SLC5A11: variants seen among roughly 807,000 people sequenced by gnomAD.
The protein encoded by SLC5A11 is solute carrier family 5 member 11.
In SLC5A11, 48 loss-of-function variants were observed where a neutral mutation model predicts 69.8. That is an observed-to-expected ratio of 0.69 (90% CI 0.55 to 0.87). SLC5A11 has a LOEUF of 0.87. Ranked by LOEUF, SLC5A11 falls within the 40% of genes least tolerant of loss-of-function variation. The pLI, the probability that SLC5A11 is intolerant of heterozygous loss-of-function variation, is 0.00. For synonymous variants in SLC5A11, 319 were observed against 342.4 expected, an observed-to-expected ratio of 0.93 and a Z score of 0.75; for missense variants, 784 against 866.1, an observed-to-expected ratio of 0.91 and a Z score of 1.19.
chr16:24,847,823 A>C (rs1406110195), intron 1 of SLC5A11, among the ~76,000 whole-genome samples: 1 of 152,208 alleles, frequency 6.6e-6, no homozygotes, highest in African/African-American at 2.4e-5. Context: ...AAAATCCCAC[A>C]TTTATTTGTT....
At chr16:24,875,840 A>G in intron 6 of SLC5A11, 109 bp downstream of exon 7, 1 of 885,384 alleles carries the variant, frequency 1.1e-6, no homozygotes, top group Non-Finnish European at 1.8e-6. Flanking sequence ...CTCGTCTTTC[A>G]TAGGCTGCAG....
intron 8 of SLC5A11, among the ~76,000 whole-genome samples, chr16:24,886,583 T>C (rs953522789): frequency 2.0e-5 from 3 of 152,150 alleles, no homozygotes; most frequent in Non-Finnish European, 4.4e-5. Context: ...GAGGATGATA[T>C]ATCTAGCTAG....
chr16:24,901,921 GA>G (rs1380185049), intron 10 of SLC5A11, among the ~76,000 whole-genome samples: 9 of 135,188 alleles, frequency 6.7e-5, no homozygotes, highest in Non-Finnish European at 9.4e-5. Flanking sequence ...CCCATCTCTG[GA>G]AAAAAAAATA....
chr16:24,900,062 GTT>G (rs537149327), intron 10 of SLC5A11, among the ~76,000 whole-genome samples: 1 of 152,218 alleles, frequency 6.6e-6, no homozygotes, highest in Non-Finnish European at 1.5e-5. Context: ...ATTTGCTTTA[GTT>G]TTTTTCTTAA....
intron 8 of SLC5A11, among the ~76,000 whole-genome samples, chr16:24,888,345 AT>A (rs1209975329): frequency 6.6e-6 from 1 of 152,136 alleles, no homozygotes; most frequent in African/African-American, 2.4e-5. Flanking sequence ...AGAACATTAC[AT>A]TTCATACTTA....
Position 24,869,959 on chromosome 16 carries a change from G to A in SLC5A11, c.266G>A (p.Gly89Glu), listed in dbSNP as rs752544142. Reference sequence around the variant, plus strand: ...AGTGGACATTTCATTGGCCTGGCAGGGTCAGGTGCTGCTACGGGCATTTCT... The same window carrying A: ...AGTGGACATTTCATTGGCCTGGCAGAGTCAGGTGCTGCTACGGGCATTTCT... Residue 89 changes from glycine to glutamate, a missense_variant, in exon 4 of 16, where the codon GGG (glycine) becomes GAG (glutamate). Around this residue, in one of 3 missense-constraint regions of SLC5A11, gnomAD observed 133 missense variants for 107.4 expected, o/e 1.24. Transcript: ENST00000347898. 2.5e-6 allele frequency: 4 copies of A among 1,614,096 alleles called. No homozygotes were observed. The South Asian group carries it at 4.4e-5, about 18-fold the overall frequency.
intron 8 of SLC5A11, among the ~76,000 whole-genome samples, chr16:24,890,520 G>GAAAAA (rs2048718306): frequency 2.2e-4 from 2 of 9,040 alleles, no homozygotes; most frequent in African/African-American, 5.8e-4. Context: ...AAAAAAGAAG[G>GAAAAA]AAGGAAGGAA....
intron 7 of SLC5A11, among the ~76,000 whole-genome samples, chr16:24,881,183 G>T (rs542244965): frequency 6.6e-6 from 1 of 151,260 alleles, no homozygotes; most frequent in East Asian, 2.0e-4. Flanking sequence ...TCCAGCCTGG[G>T]CAACAGAGCG....
chr16:24,883,489 G>A (rs1047226014), intron 7 of SLC5A11, among the ~76,000 whole-genome samples: 2 of 152,170 alleles, frequency 1.3e-5, no homozygotes, highest in Non-Finnish European at 2.9e-5. Context: ...CAAATTGAGG[G>A]GCTTGAAAAA....
chr16:24,879,493 T>G (rs1042416457), intron 7 of SLC5A11, among the ~76,000 whole-genome samples: 1 of 152,136 alleles, frequency 6.6e-6, no homozygotes, highest in African/African-American at 2.4e-5. Context: ...TCCCAGCACT[T>G]TGGAAGGCCA....
intron 9 of SLC5A11, 126 bp downstream of exon 10, chr16:24,891,200 C>T (rs555143454): frequency 1.9e-5 from 16 of 839,720 alleles, no homozygotes; most frequent in South Asian, 1.9e-4. Context: ...TCCTTGACTA[C>T]TTCCTCCTTT....
At chr16:24,898,365 T>C (rs1237761348) in intron 10 of SLC5A11, among the ~76,000 whole-genome samples, 2 of 149,984 alleles carry the variant, frequency 1.3e-5, no homozygotes, top group Non-Finnish European at 3.0e-5. Context: ...GTATGCACCA[T>C]GATGCCTGGC....
chr16:24,851,545 A>G (rs1450237485), intron 1 of SLC5A11, among the ~76,000 whole-genome samples: 3 of 150,662 alleles, frequency 2.0e-5, no homozygotes, highest in African/African-American at 7.4e-5. Context: ...ACTTCATCTC[A>G]AAAAAAACAA....
intron 8 of SLC5A11, among the ~76,000 whole-genome samples, chr16:24,887,547 GT>G (rs993801659): frequency 2.9e-4 from 44 of 151,536 alleles, no homozygotes; most frequent in South Asian, 1.3e-3. Context: ...GTGCATATAA[GT>G]TTTTTTTTCC....
chr16:24,856,552 G>A (rs2059537899), intron 1 of SLC5A11, among the ~76,000 whole-genome samples: 2 of 137,454 alleles, frequency 1.5e-5, no homozygotes, highest in African/African-American at 2.7e-5. Flanking sequence ...AGGAGATCGA[G>A]ACCATCCTGG....
intron 10 of SLC5A11, 147 bp downstream of exon 11, chr16:24,898,256 G>C (rs1177292110): frequency 1.8e-6 from 2 of 1,141,470 alleles, no homozygotes; most frequent in East Asian, 2.6e-5. Flanking sequence ...CTGTCATTCA[G>C]GTTGGAGTGC....
chr16:24,883,369 A>AAAT (rs2048172572), intron 7 of SLC5A11, among the ~76,000 whole-genome samples: 1 of 152,162 alleles, frequency 6.6e-6, no homozygotes, highest in Non-Finnish European at 1.5e-5. Context: ...CTGGCTCTAA[A>AAAT]AAATAAATAA....
chr16:24,881,023 G>C (rs936124514), intron 7 of SLC5A11, among the ~76,000 whole-genome samples: 2 of 151,986 alleles, frequency 1.3e-5, no homozygotes, highest in African/African-American at 4.8e-5. Flanking sequence ...GGCCAATATA[G>C]TGAAACCCTG....
At chr16:24,877,933 A>C (rs2047789564) in intron 7 of SLC5A11, among the ~76,000 whole-genome samples, 1 of 152,178 alleles carries the variant, frequency 6.6e-6, no homozygotes, top group African/African-American at 2.4e-5. Flanking sequence ...GCAGTGAGCC[A>C]AGATCGCGCC....
Sources: allele counts gnomAD v4.1 joint callset (sites outside exome capture counted in the v4.1 genomes callset), GRCh38; gene constraint gnomAD v4.1.1; regional missense constraint gnomAD v4.1.1; transcripts MANE v1.5; gene names NCBI Gene and HGNC (gene_info 2026-07-23, HGNC 2026-07-21).